CLIP1: variants seen among roughly 807,000 people sequenced by gnomAD.
CLIP1 encodes CAP-Gly domain containing linker protein 1, also known as CAP-Gly domain-containing linker protein 1.
CLIP1 carries 66 observed loss-of-function variants against 161.6 expected under a neutral mutation model. That is an observed-to-expected ratio of 0.41 (90% confidence interval 0.33 to 0.50). The LOEUF is 0.50. Among genes scored for constraint, CLIP1 ranks in the 20% least tolerant of loss-of-function variants. The pLI is 0.27. For missense variants in CLIP1, 1,376 were observed against 1,702.0 expected (o/e 0.81, Z 3.37); for synonymous variants, 598 against 626.2 (o/e 0.96, Z 0.67).
intron 24 of CLIP1, 90 bp from the exon 25 acceptor site, chr12:122,274,252 T>G: frequency 2.5e-6 from 3 of 1,180,436 alleles, no homozygotes; most frequent in Non-Finnish European, 3.7e-6. Flanking sequence ...CTTTAAGCTC[T>G]GGCGGCAAAG....
chr12:122,317,634 T>G lies in CLIP1; in HGVS notation c.3367-779A>C, dbSNP rs577316809. On this transcript the variant is annotated intron_variant, in intron 18 of 25. Transcript: ENST00000620786. ...GGCCTCCATTCCTCAAGGTGGCTCC[T>G]GGGGCCATGCTGGCTTTCTGGGCCT... is the stretch of plus-strand genomic sequence containing the variant. 3.3e-5 allele frequency among the ~76,000 whole-genome samples: 5 copies of G among 152,312 alleles called. No homozygotes were observed. The South Asian group carries it at 6.2e-4, about 19-fold the overall frequency.
intron 1 of CLIP1, among the ~76,000 whole-genome samples, chr12:122,385,194 G>GT (rs2136895022): frequency 6.6e-6 from 1 of 152,174 alleles, no homozygotes; most frequent in East Asian, 1.9e-4. Flanking sequence ...GCCTCCTAAA[G>GT]TGTTGGGGTT....
rs142353012 is a variant in CLIP1, at chr12:122,282,340, GGAATGACTT to G, written c.3648-3204_3648-3196del. Among the ~76,000 whole-genome samples, 1,380 of 152,050 alleles carry G rather than the reference GGAATGACTT, an allele frequency of 9.1e-3. 24 individuals carry two copies. Among genetic ancestry groups the G allele is most frequent in the African/African-American group, 0.032 (1,319 of 41,444 alleles). The stretch of plus-strand genomic sequence containing the variant: ...CACAAATCGTATTAAGCCATTAGCT[GGAATGACTT>G]GGTATTACCAAAAAAAATCAAGAAG... On this transcript the variant is annotated intron_variant, in intron 21 of 25. Coordinates refer to ENST00000620786, the MANE Select transcript of CLIP1 (RefSeq NM_001247997.2).
Position 122,272,564 on chromosome 12 carries a change from T to G in CLIP1, c.*311A>C. 3.7e-6 allele frequency: 1 copy of G among 268,178 alleles called. No homozygotes were observed. The highest frequency in any genetic ancestry group is 7.1e-6 in the Non-Finnish European group (1 of 139,984). 16.6% of individuals were successfully genotyped at this position (268,178 alleles called of 1,614,324 possible). On this transcript the variant is annotated 3_prime_UTR_variant, in exon 26 of 26. Transcript: ENST00000620786. ...AATTTAAAGTTACTTAAATAAGGTA[T>G]TGTGAGGGTAGGGGTTTTTCTACAA...
At chr12:122,358,030 A>G (rs1381403887) in intron 5 of CLIP1, among the ~76,000 whole-genome samples, 92 of 152,256 alleles carry the variant, frequency 6.0e-4, no homozygotes, top group African/African-American at 1.6e-3. Flanking sequence ...TGAGAAATCG[A>G]ATGGTTGCCA....
In CLIP1 at chr12:122,360,311, G is replaced by A. The variant is rs145264876; in HGVS notation, c.1005+648C>T. Among the ~76,000 whole-genome samples the A allele has an allele frequency of 1.1e-4, 16 of 150,598 alleles. No individual in the cohort carries two copies. The East Asian group carries it at 2.2e-3, about 20-fold the overall frequency. ...AGAGAGGCTGGGAGCAGTGGCTCACGCCTGTAAATCCCAACACTTTGGAAG... is the reference window on the plus strand; with the variant it reads ...AGAGAGGCTGGGAGCAGTGGCTCACACCTGTAAATCCCAACACTTTGGAAG... On this transcript the variant is annotated intron_variant, in intron 5 of 25. Transcript: ENST00000620786.
intron 5 of CLIP1, among the ~76,000 whole-genome samples, chr12:122,358,302 G>C (rs1464867436): frequency 6.6e-6 from 1 of 151,666 alleles, no homozygotes; most frequent in Middle Eastern, 3.2e-3. Context: ...CAAACACTGC[G>C]GAAGGCCGCA....
At chr12:122,336,932 A>G (rs1952253557) in intron 11 of CLIP1, among the ~76,000 whole-genome samples, 184 bp from the exon 12 acceptor site, 1 of 151,728 alleles carries the variant, frequency 6.6e-6, no homozygotes, top group Non-Finnish European at 1.5e-5. Context: ...AATCAGTTCT[A>G]TGATATGATT....
At chr12:122,281,595 CTGAGGCGGGAGGATGGCT>C (rs1340737832) in intron 21 of CLIP1, among the ~76,000 whole-genome samples, 6 of 151,460 alleles carry the variant, frequency 4.0e-5, no homozygotes, top group Admixed American at 1.3e-4. Context: ...ACTAGGGAAG[CTGAGGCGGGAGGATGGCT>C]TGAGGCGGGA....
chr12:122,358,495 T>C (rs1953613564), intron 5 of CLIP1, among the ~76,000 whole-genome samples: 1 of 148,620 alleles, frequency 6.7e-6, no homozygotes, highest in Admixed American at 6.7e-5. Flanking sequence ...GAGTTAGATA[T>C]GGAAGGGGGC....
At chr12:122,335,215 G>A (rs1253231619) in intron 12 of CLIP1, among the ~76,000 whole-genome samples, 1 of 152,108 alleles carries the variant, frequency 6.6e-6, no homozygotes, top group African/African-American at 2.4e-5. Flanking sequence ...ATGACAATAG[G>A]CCAAGCTAAA....
intron 1 of CLIP1, among the ~76,000 whole-genome samples, chr12:122,406,336 G>C (rs957725336): frequency 6.6e-6 from 1 of 152,160 alleles, no homozygotes; most frequent in Non-Finnish European, 1.5e-5. Context: ...GTCCCACAGA[G>C]TGAGACCTTG....
At chr12:122,386,923 C>A (rs1221404691) in intron 1 of CLIP1, among the ~76,000 whole-genome samples, 1 of 151,864 alleles carries the variant, frequency 6.6e-6, no homozygotes, top group African/African-American at 2.4e-5. Context: ...TAGGGTCTTG[C>A]CCTGTTGCTC....
intron 1 of CLIP1, among the ~76,000 whole-genome samples, chr12:122,390,633 G>A (rs1955615318): frequency 6.6e-6 from 1 of 151,704 alleles, no homozygotes; most frequent in Admixed American, 6.6e-5. Flanking sequence ...TAAAAGTCAT[G>A]TAATCTTGCT....
chr12:122,413,785 C>T (rs1242612659), intron 1 of CLIP1, among the ~76,000 whole-genome samples: 1 of 150,836 alleles, frequency 6.6e-6, no homozygotes, highest in African/African-American at 2.4e-5. Context: ...TGCTGAACCA[C>T]AATAAATAGA....
chr12:122,365,080 T>A (rs530429125), intron 3 of CLIP1, among the ~76,000 whole-genome samples: 1 of 151,802 alleles, frequency 6.6e-6, no homozygotes, highest in Non-Finnish European at 1.5e-5. Context: ...CTCTGGGGAC[T>A]GTTGTGGGGT....
intron 21 of CLIP1, among the ~76,000 whole-genome samples, chr12:122,286,116 T>C (rs1955840883): frequency 6.6e-6 from 1 of 152,176 alleles, no homozygotes; most frequent in Non-Finnish European, 1.5e-5. Context: ...CTATTTAGTA[T>C]TCTGCAGCAA....
intron 6 of CLIP1, chr12:122,354,796 T>C: frequency 3.5e-6 from 2 of 576,294 alleles, no homozygotes; most frequent in South Asian, 2.1e-5. Context: ...GAAACACATA[T>C]TAAGAGTAAT....
intron 10 of CLIP1, among the ~76,000 whole-genome samples, chr12:122,346,228 A>C (rs1952741936): frequency 6.6e-6 from 1 of 152,220 alleles, no homozygotes; most frequent in Non-Finnish European, 1.5e-5. Context: ...ATCTTAGGCA[A>C]GTTATTTAAC....
Sources: allele counts gnomAD v4.1 joint callset (sites outside exome capture counted in the v4.1 genomes callset), GRCh38; gene constraint gnomAD v4.1.1; transcripts MANE v1.5; gene names NCBI Gene and HGNC (gene_info 2026-07-23, HGNC 2026-07-21).